Variants in USP42 observed in about 807,000 individuals in gnomAD.
USP42 encodes the protein ubiquitin specific peptidase 42, also known as ubiquitin carboxyl-terminal hydrolase 42.
Under a neutral mutation model 113.0 loss-of-function variants are expected in USP42, and 23 were observed. The ratio of observed to expected loss-of-function variants is 0.20; its 90% CI spans 0.15 to 0.29. The LOEUF is 0.29. Among genes scored for constraint, USP42 ranks in the 10% least tolerant of loss-of-function variants. The probability of loss-of-function intolerance (pLI) is 1.00; values close to 1 mark genes in which losing one functional copy is unlikely to be tolerated. For missense variants in USP42, 2,174 were observed against 1,779.8 expected (o/e 1.22, Z -3.99); for synonymous variants, 933 against 699.0 (o/e 1.33, Z -5.28).
At position 6,117,644 on chromosome 7, in the gene USP42, T is replaced by C. The variant is rs565089183; in HGVS notation, c.442+2121T>C. On this transcript the variant is annotated intron_variant, in intron 3 of 17. Coordinates refer to ENST00000306177, the MANE Select transcript of USP42 (RefSeq NM_032172.3). The stretch of plus-strand genomic sequence containing the variant: ...AGACTTTCCAGAAGGGATTGCAGTG[T>C]TTTATAGTCCCACCACTGGTGAATG... Among the ~76,000 whole-genome samples the C allele has an allele frequency of 3.3e-5, 5 of 152,262 alleles. No homozygotes were observed. In the South Asian group the frequency reaches 1.0e-3, roughly 32 times the overall value.
At chr7:6,102,553 G>C (rs1448261939), upstream of USP42, among the ~76,000 whole-genome samples, 1 of 150,424 alleles carries the variant, frequency 6.6e-6, no homozygotes, top group East Asian at 2.0e-4. Context: ...TTGAGGCCAG[G>C]GGTTCACAAC....
the USP42 span, among the ~76,000 whole-genome samples, chr7:6,098,637 C>T: frequency 5.3e-5 from 8 of 150,324 alleles, 1 homozygote; most frequent in East Asian, 1.9e-4. Flanking sequence ...CTGCAACCTC[C>T]GCCTCCCCGG....
upstream of USP42, among the ~76,000 whole-genome samples, chr7:6,102,267 C>T (rs1790150038): frequency 6.7e-6 from 1 of 149,594 alleles, no homozygotes; most frequent in Non-Finnish European, 1.5e-5. Context: ...GGTGCCATCA[C>T]CACAGCCAAC....
At chr7:6,120,704 C>T (rs1328967841) in intron 3 of USP42, among the ~76,000 whole-genome samples, 4 of 152,024 alleles carry the variant, frequency 2.6e-5, no homozygotes, top group Non-Finnish European at 5.9e-5. Flanking sequence ...CTGCTTCAGC[C>T]TCATGGGTAG....
At chr7:6,148,785 A>G (rs995716546) in intron 12 of USP42, among the ~76,000 whole-genome samples, 4 of 152,224 alleles carry the variant, frequency 2.6e-5, no homozygotes, top group Non-Finnish European at 4.4e-5. Context: ...ATCAGGCAGT[A>G]TATTTGAGGT....
intron 7 of USP42, 36 bp from the exon 8 acceptor site, chr7:6,142,896 G>A (rs1023437358): frequency 3.7e-6 from 6 of 1,604,812 alleles, no homozygotes; most frequent in East Asian, 2.2e-5. Context: ...GTGACGGTGT[G>A]CGGTGATGTG....
Position 6,159,201 on chromosome 7 carries a change from C to G in USP42, c.3944-249C>G, listed in dbSNP as rs1033345208. 2.0e-5 allele frequency among the ~76,000 whole-genome samples: 3 copies of G among 152,202 alleles called. No individual in the cohort carries two copies. The highest frequency in any genetic ancestry group is 2.9e-5 in the Non-Finnish European group (2 of 68,038). On this transcript the variant is annotated intron_variant, in intron 16 of 17. Transcript: ENST00000306177. This position sits in a 1 kb window ranked among gnomAD's most constrained non-coding sequence, Gnocchi z 4.1. ...TCAGTTCTTGGGCCTGATATCTGTT[C>G]TAACATCAGGCTGCGTGTGGGTTGG... is the stretch of plus-strand genomic sequence containing the variant.
rs199589142 is a variant in USP42 at position 6,141,196 on chromosome 7, C to CTTTTTTTT, written c.795+216_795+217insTTTTTTTT. Among the ~76,000 whole-genome samples, 155 of 131,784 alleles carry CTTTTTTTT rather than the reference C, an allele frequency of 1.2e-3. 1 individual carries two copies. Among genetic ancestry groups the CTTTTTTTT allele is most frequent in the Non-Finnish European group, 2.0e-3 (124 of 61,196 alleles). The allele number at this position is 131,784 out of a possible 152,430, so 86.5% of individuals were successfully genotyped here. ...TTATTACTCTTTGAATTTTCTTTTT[C>CTTTTTTTT]TTTTCTTTTTTTTTTTTTTTTTTTG... On this transcript the variant is annotated intron_variant, in intron 7 of 17. Coordinates refer to ENST00000306177, the MANE Select transcript of USP42 (RefSeq NM_032172.3).
intron 1 of USP42, among the ~76,000 whole-genome samples, chr7:6,105,665 G>A (rs566654903): frequency 1.6e-3 from 239 of 152,354 alleles, no homozygotes; most frequent in African/African-American, 5.5e-3. Context: ...CACCCCGAAG[G>A]GAGAGGAGAA....
chr7:6,100,840 G>T (rs1283480509), upstream of USP42, among the ~76,000 whole-genome samples: 1 of 150,324 alleles, frequency 6.7e-6, no homozygotes, highest in Non-Finnish European at 1.5e-5. Flanking sequence ...CTAATTTTTT[G>T]TATTTTTAGA....
intron 9 of USP42, 112 bp downstream of exon 9, chr7:6,144,308 A>G (rs550794687): frequency 6.0e-5 from 40 of 670,024 alleles, no homozygotes; most frequent in South Asian, 4.6e-4. Flanking sequence ...ATTGCTAACT[A>G]TTACCTACAT....
At chr7:6,126,964 C>T (rs1291141119) in intron 3 of USP42, among the ~76,000 whole-genome samples, 1 of 152,176 alleles carries the variant, frequency 6.6e-6, no homozygotes, top group African/African-American at 2.4e-5. Context: ...TATGAGAGTT[C>T]CAGCTTCCTT....
chr7:6,088,116 A>G, the USP42 span, among the ~76,000 whole-genome samples: 1 of 151,090 alleles, frequency 6.6e-6, no homozygotes, highest in Admixed American at 6.6e-5. Context: ...CCTGGGCAAT[A>G]TAGCAAGACT....
chr7:6,153,806 A>C lies in USP42; in HGVS notation c.2252A>C (p.Gln751Pro). 1 of 1,521,364 alleles carries C rather than the reference A, an allele frequency of 6.6e-7. No homozygotes were observed. Among genetic ancestry groups the C allele is most frequent in the South Asian group, 1.2e-5 (1 of 81,626 alleles). 94.2% of individuals were successfully genotyped at this position (1,521,364 alleles called of 1,614,324 possible). A position where few individuals can be genotyped will look rare whatever the true frequency, so the allele number is the denominator to read the frequency against. ...GPPEDRDAEPQPGSPAAESLE... is the reference protein window; with the variant it reads ...GPPEDRDAEPPPGSPAAESLE... ...CCCGAGGACCGCGACGCCGAGCCTC[A>C]GCCTGGCAGCCCCGCCGCCGAATCC... The change falls in exon 15 of 18, where the codon CAG becomes CCG. Residue 751 changes from glutamine (Q) to proline (P), a missense_variant. Physicochemically the swap from Gln to Pro is moderately conservative, Grantham distance 76 (BLOSUM62 -1). Coordinates refer to ENST00000306177, the MANE Select transcript of USP42 (RefSeq NM_032172.3).
chr7:6,156,688 G>C (rs1187912837), intron 15 of USP42, 66 bp from the exon 16 acceptor site: 2 of 1,466,986 alleles, frequency 1.4e-6, no homozygotes, highest in African/African-American at 2.9e-5. Context: ...GAAAGGCCAA[G>C]CTCCAGGGTC....
At chr7:6,136,665 T>C (rs1781169176) in intron 4 of USP42, among the ~76,000 whole-genome samples, 1 of 152,048 alleles carries the variant, frequency 6.6e-6, no homozygotes, top group African/African-American at 2.4e-5. Flanking sequence ...ATGAATACTT[T>C]ACTATACGCA....
At position 6,154,911 on chromosome 7, in the gene USP42, A is replaced by G. The variant is rs953733730; in HGVS notation, c.3357A>G (p.Ala1119=). The change falls in exon 15 of 18, where the codon GCA becomes GCG. Residue 1119 remains alanine (A), a synonymous_variant. Transcript: ENST00000306177. The part of the protein sequence containing the change: ...RERHRPSSPR[A]GAPHALAPHP... ...GGCACCGCCCCAGCAGCCCCCGCGC[A>G]GGCGCGCCCCACGCCCTCGCCCCGC... is the stretch of plus-strand genomic sequence containing the variant. 1 of 1,547,000 alleles carries G rather than the reference A, an allele frequency of 6.5e-7. No individual in the cohort carries two copies. The highest frequency in any genetic ancestry group is 1.4e-5 in the African/African-American group (1 of 72,970).
At chr7:6,142,086 T>C (rs1781461004) in intron 7 of USP42, among the ~76,000 whole-genome samples, 1 of 152,240 alleles carries the variant, frequency 6.6e-6, no homozygotes, top group Non-Finnish European at 1.5e-5. Context: ...GTTTTATGTA[T>C]TGCTGCAGTG....
chr7:6,124,706 C>T (rs1359036566), intron 3 of USP42, among the ~76,000 whole-genome samples: 1 of 152,020 alleles, frequency 6.6e-6, no homozygotes, highest in Non-Finnish European at 1.5e-5. Context: ...TACCATCTTG[C>T]TATTTTTTTT....
Sources: allele counts gnomAD v4.1 joint callset (sites outside exome capture counted in the v4.1 genomes callset), GRCh38; gene constraint gnomAD v4.1.1; non-coding constraint Gnocchi (gnomAD v3.1); transcripts MANE v1.5; gene names NCBI Gene and HGNC (gene_info 2026-07-23, HGNC 2026-07-21).